Variants in TMEM156 observed in about 807,000 individuals in gnomAD.
The protein encoded by TMEM156 is transmembrane protein 156.
In TMEM156, 28 loss-of-function variants were observed where a neutral mutation model predicts 30.5. That is an observed-to-expected ratio of 0.92 (90% CI 0.68 to 1.26). The LOEUF (loss-of-function observed/expected upper bound fraction) is 1.26, where lower values mean the gene tolerates loss of function less well. Ranked by LOEUF, TMEM156 falls within the 50% of genes most tolerant of loss-of-function variation. TMEM156 has a pLI of 0.00. For missense variants in TMEM156, 351 were observed against 340.6 expected (o/e 1.03, Z -0.24); for synonymous variants, 137 against 119.9 (o/e 1.14, Z -0.93).
At chr4:39,005,725 CTG>C (rs1448642991) in intron 1 of TMEM156, among the ~76,000 whole-genome samples, 1 of 152,076 alleles carries the variant, frequency 6.6e-6, no homozygotes, top group East Asian at 1.9e-4. Flanking sequence ...AATTATATGT[CTG>C]TGAAGTTGAT....
chr4:39,022,699 T>C (rs1002439780), intron 1 of TMEM156, among the ~76,000 whole-genome samples: 7 of 152,208 alleles, frequency 4.6e-5, no homozygotes, highest in African/African-American at 1.4e-4. Flanking sequence ...TATCTTTCCA[T>C]AAAATTTTAA....
At chr4:38,982,800 TA>T (rs1268304365) in intron 5 of TMEM156, among the ~76,000 whole-genome samples, 1 of 152,282 alleles carries the variant, frequency 6.6e-6, no homozygotes, top group African/African-American at 2.4e-5. Flanking sequence ...GATGGACATA[TA>T]GGGGAGATAT....
chr4:38,988,580 A>T (rs1007716302), intron 4 of TMEM156, among the ~76,000 whole-genome samples: 23 of 151,908 alleles, frequency 1.5e-4, no homozygotes, highest in African/African-American at 5.3e-4. Context: ...CTCTGCCCTC[A>T]CTTCCGCTAA....
At chr4:38,987,095 A>AT (rs1244706005) in intron 4 of TMEM156, among the ~76,000 whole-genome samples, 4 of 152,220 alleles carry the variant, frequency 2.6e-5, no homozygotes, top group Admixed American at 6.5e-5. Flanking sequence ...CCTTCTAGAC[A>AT]TTTTTTCTAG....
intron 4 of TMEM156, among the ~76,000 whole-genome samples, chr4:38,987,132 G>A (rs1162051899): frequency 6.6e-6 from 1 of 151,978 alleles, no homozygotes; most frequent in Non-Finnish European, 1.5e-5. Flanking sequence ...TTTGCTTATA[G>A]CTTTTCATAT....
chr4:38,984,677 A>G (rs1360441199), intron 5 of TMEM156, among the ~76,000 whole-genome samples: 1 of 152,132 alleles, frequency 6.6e-6, no homozygotes, highest in Non-Finnish European at 1.5e-5. Context: ...AACTCATAAT[A>G]GGGAAGGAAA....
At chr4:38,974,167 A>G (rs1171333684) in intron 5 of TMEM156, among the ~76,000 whole-genome samples, 1 of 150,574 alleles carries the variant, frequency 6.6e-6, no homozygotes, top group African/African-American at 2.4e-5. Flanking sequence ...TACACAAGTA[A>G]GATTTCTCAA....
chr4:38,989,157 T>C (rs1712236142), intron 3 of TMEM156, among the ~76,000 whole-genome samples, 187 bp from the exon 4 acceptor site: 1 of 152,250 alleles, frequency 6.6e-6, no homozygotes, highest in Non-Finnish European at 1.5e-5. Flanking sequence ...GAAGGTATTA[T>C]ACGGGTAAAC....
intron 2 of TMEM156, 97 bp downstream of exon 2, chr4:38,998,543 C>CCA: frequency 1.1e-6 from 1 of 951,994 alleles, no homozygotes; most frequent in Non-Finnish European, 1.4e-6. Context: ...GACTCCATCT[C>CCA]AAAAAAAAAA....
chr4:38,996,432 C>T (rs1712941891), intron 2 of TMEM156, among the ~76,000 whole-genome samples: 1 of 151,024 alleles, frequency 6.6e-6, no homozygotes, highest in Non-Finnish European at 1.5e-5. Context: ...ATTAGCTGGG[C>T]ATGGTAGCAG....
chr4:38,982,565 T>G (rs926587355), intron 5 of TMEM156, among the ~76,000 whole-genome samples: 2 of 152,242 alleles, frequency 1.3e-5, no homozygotes, highest in African/African-American at 2.4e-5. Flanking sequence ...CTTTTTACTC[T>G]ATACTCATTT....
At chr4:38,991,983 A>C (rs908966532) in intron 3 of TMEM156, among the ~76,000 whole-genome samples, 2 of 152,082 alleles carry the variant, frequency 1.3e-5, no homozygotes, top group African/African-American at 4.8e-5. Context: ...ATGACCCCTA[A>C]TTGCAGAGGT....
Position 39,019,538 on chromosome 4 carries a change from C to A in TMEM156, c.88+12688G>T, listed in dbSNP as rs75409951. Among the ~76,000 whole-genome samples, 53 of 152,112 alleles carry A rather than the reference C, an allele frequency of 3.5e-4. 1 individual carries two copies. The highest frequency in any genetic ancestry group is 2.1e-4 in the Non-Finnish European group (14 of 68,014). ...ATTATTTTTAGGCTGGGGGAATAAACGACTCTGTTTGTCCTCCCTATTAAC... is the reference window on the plus strand; with the variant it reads ...ATTATTTTTAGGCTGGGGGAATAAAAGACTCTGTTTGTCCTCCCTATTAAC... On this transcript the variant is annotated intron_variant, in intron 1 of 6. Transcript: ENST00000381938.
At chr4:38,997,428 G>A (rs746760105) in intron 2 of TMEM156, among the ~76,000 whole-genome samples, 43 of 151,888 alleles carry the variant, frequency 2.8e-4, no homozygotes, top group South Asian at 2.1e-4. Context: ...AATCTATAAT[G>A]ATATATTTTT....
In TMEM156 at chr4:38,975,384, C is replaced by CTT. The variant is rs10711049; in HGVS notation, c.824-4249_824-4248dup. Among the ~76,000 whole-genome samples the CTT allele has an allele frequency of 5.7e-4, 56 of 97,592 alleles. 1 individual carries two copies. Among genetic ancestry groups the CTT allele is most frequent in the African/African-American group, 2.1e-3 (53 of 25,760 alleles). The allele number at this position is 97,592 out of a possible 152,430, so 64.0% of individuals were successfully genotyped here. On this transcript the variant is annotated intron_variant, in intron 5 of 6. Transcript: ENST00000381938. Reference sequence around the variant, plus strand: ...TTTTTTTTCTTTTCTTTTTTCTTTTCTTTTTTTTTTTTTTTTGAGACAGAG... The same window carrying CTT: ...TTTTTTTTCTTTTCTTTTTTCTTTTCTTTTTTTTTTTTTTTTTTGAGACAGAG...
At chr4:39,015,605 T>C (rs1014600129) in intron 1 of TMEM156, among the ~76,000 whole-genome samples, 56 of 152,206 alleles carry the variant, frequency 3.7e-4, no homozygotes, top group African/African-American at 1.3e-3. Context: ...ATGTCTAACC[T>C]ATACTGTGAG....
intron 5 of TMEM156, among the ~76,000 whole-genome samples, chr4:38,975,998 AACTGCAGGCTG>A (rs1024461175): frequency 2.0e-5 from 3 of 151,876 alleles, no homozygotes; most frequent in African/African-American, 7.3e-5. Flanking sequence ...TAAAGAAGCA[AACTGCAGGCTG>A]GGCGCAGTGG....
intron 1 of TMEM156, among the ~76,000 whole-genome samples, chr4:39,027,087 C>A (rs534795513): frequency 6.6e-6 from 1 of 152,134 alleles, no homozygotes; most frequent in African/African-American, 2.4e-5. Flanking sequence ...TGACACATTA[C>A]TGTGAATTAT....
chr4:39,016,423 T>A (rs1332580288), intron 1 of TMEM156, among the ~76,000 whole-genome samples: 11 of 151,914 alleles, frequency 7.2e-5, no homozygotes, highest in African/African-American at 2.7e-4. Context: ...ATTTTATTGA[T>A]CCTTTCTGTA....
Sources: gnomAD v4.1 joint callset for allele counts (sites outside exome capture counted in the v4.1 genomes callset) on GRCh38, gnomAD v4.1.1 for gene constraint, MANE v1.5 for transcripts, NCBI Gene and HGNC (gene_info 2026-07-23, HGNC 2026-07-21) for gene names.